Variants in SH2D7 observed in about 807,000 individuals in gnomAD.
SH2D7 encodes the protein SH2 domain-containing protein 7.
In SH2D7, 32 loss-of-function variants were observed where a neutral mutation model predicts 40.8. That is an observed-to-expected ratio of 0.78 (90% CI 0.59 to 1.05). The LOEUF (loss-of-function observed/expected upper bound fraction) is 1.05, where lower values mean the gene tolerates loss of function less well. Among genes scored for constraint, SH2D7 ranks in the 50% least tolerant of loss-of-function variants. The pLI, the probability that SH2D7 is intolerant of heterozygous loss-of-function variation, is 0.00. For missense variants in SH2D7, 559 were observed against 566.6 expected, an observed-to-expected ratio of 0.99 and a Z score of 0.14; for synonymous variants, 195 against 221.5, an observed-to-expected ratio of 0.88 and a Z score of 1.06.
In SH2D7 at chr15:78,103,754, A is replaced by C. The variant is rs1470429233; in HGVS notation, c.*239A>C. ...CTTTCCTTGTGCCTCCCATCCATGC[A>C]CAGGAGGGACTGGAGAGGAATGAGA... is the stretch of plus-strand genomic sequence containing the variant. On this transcript the variant is annotated 3_prime_UTR_variant, in exon 6 of 6. Transcript: ENST00000328828. 1.9e-6 allele frequency: 1 copy of C among 534,018 alleles called. No homozygotes were observed. The highest frequency in any genetic ancestry group is 3.2e-5 in the Admixed American group (1 of 30,862). The allele number at this position is 534,018 out of a possible 1,614,324, so 33.1% of individuals were successfully genotyped here.
At chr15:78,093,163 A>G (rs928060432) in intron 1 of SH2D7, among the ~76,000 whole-genome samples, 2 of 152,212 alleles carry the variant, frequency 1.3e-5, no homozygotes, top group African/African-American at 4.8e-5. Flanking sequence ...TGGTTATCCT[A>G]GGTATAAAGG....
At chr15:78,095,252 T>C (rs143781362) in intron 2 of SH2D7, among the ~76,000 whole-genome samples, 1 of 152,362 alleles carries the variant, frequency 6.6e-6, no homozygotes, top group East Asian at 1.9e-4. Flanking sequence ...TAAATGTTAA[T>C]CATTGTTAAA....
At chr15:78,102,016 C>T (rs953928262) in intron 5 of SH2D7, among the ~76,000 whole-genome samples, 1 of 152,174 alleles carries the variant, frequency 6.6e-6, no homozygotes, top group African/African-American at 2.4e-5. Context: ...CTTTGGGAGG[C>T]TGAGGCAGGT....
intron 1 of SH2D7, 122 bp from the exon 2 acceptor site, chr15:78,093,989 TA>T: frequency 2.3e-6 from 2 of 878,634 alleles, no homozygotes; most frequent in Non-Finnish European, 3.5e-6. Context: ...GGCTCCTCTA[TA>T]AAGGGTTGGA....
At chr15:78,097,397 T>A (rs1011301029) in intron 2 of SH2D7, among the ~76,000 whole-genome samples, 7 of 152,016 alleles carry the variant, frequency 4.6e-5, no homozygotes, top group African/African-American at 1.7e-4. Flanking sequence ...AGGGTAGGAT[T>A]TTAGGGTGGG....
rs2073955493 is a variant in SH2D7 at position 78,094,093 on chromosome 15, T to A, written c.177-19T>A. The A allele has an allele frequency of 6.3e-7, 1 of 1,594,258 alleles. No individual in the cohort carries two copies. Among genetic ancestry groups the A allele is most frequent in the Non-Finnish European group, 8.5e-7 (1 of 1,170,570 alleles). On this transcript the variant is annotated intron_variant, in intron 1 of 5. Coordinates refer to ENST00000328828, the MANE Select transcript of SH2D7 (RefSeq NM_001101404.2). Reference sequence around the variant, plus strand: ...CCATTAGGGCACAGACCCCAGCTAATGGCATGTCTTCTGCCCAGGCAGACG... The same window carrying A: ...CCATTAGGGCACAGACCCCAGCTAAAGGCATGTCTTCTGCCCAGGCAGACG...
At chr15:78,103,436 A>C in intron 5 of SH2D7, 29 bp from the exon 6 acceptor site, 7 of 1,552,650 alleles carry the variant, frequency 4.5e-6, no homozygotes, top group Non-Finnish European at 5.2e-6. Flanking sequence ...CAGCGACCCC[A>C]GGCCCCAGTA....
chr15:78,093,554 C>T (rs1042378844), intron 1 of SH2D7, among the ~76,000 whole-genome samples: 2 of 152,242 alleles, frequency 1.3e-5, no homozygotes, highest in Non-Finnish European at 2.9e-5. Context: ...TTCTTCATGC[C>T]TCCAAAGTAT....
At chr15:78,090,861 CAT>C (rs1658271398), upstream of SH2D7, among the ~76,000 whole-genome samples, 1 of 152,086 alleles carries the variant, frequency 6.6e-6, no homozygotes, top group Non-Finnish European at 1.5e-5. Flanking sequence ...AGAACATAGA[CAT>C]AGAAAAATGC....
Position 78,103,801 on chromosome 15 carries a change from C to A in SH2D7, c.*286C>A. On this transcript the variant is annotated 3_prime_UTR_variant, in exon 6 of 6. Transcript: ENST00000328828. ...GAGATTGGCCAAAGGCAGGGGTCAC[C>A]ACCCCCATTTCCCAGATAAGCATGC... The A allele has an allele frequency of 2.3e-6, 1 of 430,560 alleles. No homozygotes were observed. Among genetic ancestry groups the A allele is most frequent in the Non-Finnish European group, 4.2e-6 (1 of 236,502 alleles). The allele number at this position is 430,560 out of a possible 1,614,324, so 26.7% of individuals were successfully genotyped here.
chr15:78,094,479 C>A (rs2073958332), intron 2 of SH2D7, among the ~76,000 whole-genome samples: 1 of 152,182 alleles, frequency 6.6e-6, no homozygotes, highest in Non-Finnish European at 1.5e-5. Flanking sequence ...ATACAAGTTG[C>A]TAGGCAGAAA....
rs201755411 is a variant in SH2D7, at chr15:78,101,547, C to G, written c.1294C>G (p.Arg432Gly). The G allele has an allele frequency of 6.3e-7, 1 of 1,589,646 alleles. No homozygotes were observed. The highest frequency in any genetic ancestry group is 8.6e-7 in the Non-Finnish European group (1 of 1,168,976). ...AGCAACCAAGAGCAAGGAGACTGGA[C>G]GGACACACAAGGTGAGCTCCATGAT... is the stretch of plus-strand genomic sequence containing the variant. ...IPATKSKETG[R>G]THKPDKLRRL... The change falls in exon 5 of 6, where the codon CGG (arginine) becomes GGG (glycine). Residue 432 changes from arginine to glycine, a missense_variant. Arg to Gly is a moderately radical substitution (Grantham distance 125, BLOSUM62 -2). Coordinates refer to ENST00000328828, the MANE Select transcript of SH2D7 (RefSeq NM_001101404.2).
At chr15:78,095,069 C>A (rs1205952062) in intron 2 of SH2D7, among the ~76,000 whole-genome samples, 1 of 152,186 alleles carries the variant, frequency 6.6e-6, no homozygotes, top group South Asian at 2.1e-4. Flanking sequence ...CAGACTGCCC[C>A]AGTTCAAACC....
Position 78,094,130 on chromosome 15 carries a change from C to T in SH2D7, c.195C>T (p.Leu65=), listed in dbSNP as rs1284744280. ...TGCCCAGGCAGACGGAGCAGCTACT[C>T]AGGGACAAAGCTCTTGGTTCCTTCC... The part of the protein sequence containing the change: ...FITRKQTEQL[L]RDKALGSFLI... The change falls in exon 2 of 6, where the codon CTC becomes CTT. Residue 65 remains leucine (L), a synonymous_variant. Coordinates refer to ENST00000328828, the MANE Select transcript of SH2D7 (RefSeq NM_001101404.2). The T allele has an allele frequency of 2.5e-6, 4 of 1,608,980 alleles. No homozygotes were observed. Among genetic ancestry groups the T allele is most frequent in the South Asian group, 1.1e-5 (1 of 89,756 alleles).
chr15:78,097,970 G>A lies in SH2D7; in HGVS notation c.308G>A (p.Arg103Gln), dbSNP rs774693457. Reference sequence around the variant, plus strand: ...CGACATTTTGTCATCAACCAGCTTCGAAACCGGCGTTACATCATCTCAGGA... The same window carrying A: ...CGACATTTTGTCATCAACCAGCTTCAAAACCGGCGTTACATCATCTCAGGA... ...RCRHFVINQL[R>Q]NRRYIISGDT... Residue 103 changes from arginine (R) to glutamine (Q), a missense_variant, in exon 3 of 6, where the codon CGA (arginine) becomes CAA (glutamine). Physicochemically the swap from Arg to Gln is conservative, Grantham distance 43. Coordinates refer to ENST00000328828, the MANE Select transcript of SH2D7 (RefSeq NM_001101404.2). The A allele has an allele frequency of 5.0e-6, 8 of 1,613,604 alleles. No homozygotes were observed. Among genetic ancestry groups the A allele is most frequent in the East Asian group, 2.2e-5 (1 of 44,892 alleles).
In SH2D7 at chr15:78,101,247, T is replaced by C; in HGVS notation, c.994T>C (p.Phe332Leu). Residue 332 changes from phenylalanine to leucine, a missense_variant, in exon 5 of 6, where the codon TTT becomes CTT. By Grantham distance (22) the Phe-to-Leu change is conservative. Transcript: ENST00000328828. ...GSLGATWRQE[F>L]PKLSQEAQPC... ...CCTGGGGGCTACCTGGAGGCAGGAG[T>C]TTCCAAAGCTGAGCCAAGAGGCTCA... 1.2e-6 allele frequency: 2 copies of C among 1,603,170 alleles called. No individual in the cohort carries two copies. The highest frequency in any genetic ancestry group is 1.7e-6 in the Non-Finnish European group (2 of 1,175,720).
At chr15:78,094,391 A>G (rs2073957787) in intron 2 of SH2D7, among the ~76,000 whole-genome samples, 190 bp downstream of exon 2, 1 of 152,228 alleles carries the variant, frequency 6.6e-6, no homozygotes, top group Admixed American at 6.5e-5. Context: ...AGGGATGAAG[A>G]CACGGCCTTC....
intron 1 of SH2D7, among the ~76,000 whole-genome samples, chr15:78,093,456 G>C (rs1216068246): frequency 6.6e-6 from 1 of 152,272 alleles, no homozygotes; most frequent in East Asian, 1.9e-4. Flanking sequence ...TAGCTGCGTA[G>C]AACAGGCGCT....
intron 2 of SH2D7, among the ~76,000 whole-genome samples, chr15:78,094,969 G>T (rs958296000): frequency 1.3e-5 from 2 of 152,180 alleles, no homozygotes; most frequent in Non-Finnish European, 2.9e-5. Flanking sequence ...TTCAGAGGAG[G>T]TAAGAAGGCT....
Sources: allele counts gnomAD v4.1 joint callset (sites outside exome capture counted in the v4.1 genomes callset), GRCh38; gene constraint gnomAD v4.1.1; transcripts MANE v1.5; gene names NCBI Gene and HGNC (gene_info 2026-07-23, HGNC 2026-07-21).